PSMA1: variants seen among roughly 807,000 people sequenced by gnomAD.
PSMA1 encodes the protein proteasome 20S subunit alpha 1, also known as proteasome subunit alpha type-1.
PSMA1 carries 3 observed loss-of-function variants against 38.4 expected under a neutral mutation model. The observed-to-expected ratio is 0.08, with a 90% CI of 0.04 to 0.20. The LOEUF is 0.20. Ranked by LOEUF, PSMA1 falls within the 10% of genes least tolerant of loss-of-function variation. The pLI is 1.00. For missense variants in PSMA1, 227 were observed against 325.3 expected (o/e 0.70, Z 2.32); for synonymous variants, 101 against 107.1 (o/e 0.94, Z 0.35).
rs1353880319 is a variant in PSMA1 at position 14,611,078 on chromosome 11, A to G, written c.-92T>C. ...TGTCTTTTCCCAGCCTTGGAGGGCCAAGGCCTTTACCACTCTGCTACTGGC... is the reference window on the plus strand; with the variant it reads ...TGTCTTTTCCCAGCCTTGGAGGGCCGAGGCCTTTACCACTCTGCTACTGGC... On this transcript the variant is annotated 5_prime_UTR_variant, in exon 2 of 11. Coordinates refer to the PSMA1 transcript ENST00000418988. 12 of 1,353,900 alleles carry G rather than the reference A, an allele frequency of 8.9e-6. No individual in the cohort carries two copies. In the East Asian group the frequency reaches 1.6e-4, roughly 18 times the overall value. The allele number at this position is 1,353,900 out of a possible 1,614,324, so 83.9% of individuals were successfully genotyped here. A position where few individuals can be genotyped will look rare whatever the true frequency, so the allele number is the denominator to read the frequency against.
intron 8 of PSMA1, among the ~76,000 whole-genome samples, chr11:14,508,645 T>C (rs533649019): frequency 6.7e-6 from 1 of 149,662 alleles, no homozygotes; most frequent in South Asian, 2.1e-4. Context: ...ATTCAGGTAA[T>C]TCATGTGAGA....
rs1180393233 is a variant in PSMA1 at position 14,628,501 on chromosome 11, C to CT, written c.-166+14953dup. 2.0e-5 allele frequency among the ~76,000 whole-genome samples: 3 copies of CT among 150,238 alleles called. 1 individual carries two copies. The highest frequency in any genetic ancestry group is 7.4e-5 in the African/African-American group (3 of 40,610). ...TCCCTACAAAGGACATGAACTCATC[C>CT]TTTTTTATGGCTGCATAGTATTCCA... is the stretch of plus-strand genomic sequence containing the variant. On this transcript the variant is annotated intron_variant, in intron 1 of 10. Coordinates refer to the PSMA1 transcript ENST00000418988.
chr11:14,509,337 T>G (rs1214585099), intron 8 of PSMA1, among the ~76,000 whole-genome samples: 1 of 152,196 alleles, frequency 6.6e-6, no homozygotes, highest in Non-Finnish European at 1.5e-5. Context: ...CAAACTTTTT[T>G]GGCTGTAATT....
chr11:14,564,561 G>T (rs2134174788), intron 2 of PSMA1, among the ~76,000 whole-genome samples: 1 of 152,176 alleles, frequency 6.6e-6, no homozygotes, highest in South Asian at 2.1e-4. Flanking sequence ...AAATGCCCAG[G>T]GGTGCAATTG....
intron 1 of PSMA1, among the ~76,000 whole-genome samples, chr11:14,634,359 G>A (rs922511323): frequency 2.0e-5 from 3 of 152,058 alleles, no homozygotes; most frequent in African/African-American, 2.4e-5. Context: ...ACACATACAC[G>A]CAACACACAA....
Position 14,538,888 on chromosome 11 carries a change from A to G in PSMA1, c.22-19847T>C, listed in dbSNP as rs149275751. Among the ~76,000 whole-genome samples the G allele has an allele frequency of 7.2e-3, 1,097 of 152,390 alleles. 9 individuals carry two copies. The highest frequency in any genetic ancestry group is 0.02 in the Middle Eastern group (6 of 294). On this transcript the variant is annotated intron_variant, in intron 2 of 10. Transcript: ENST00000418988. Reference sequence around the variant, plus strand: ...TGCGTAATTTCAAAAAGTACTTTTTAAAATAACTCATTGACAAGACTTACA... The same window carrying G: ...TGCGTAATTTCAAAAAGTACTTTTTGAAATAACTCATTGACAAGACTTACA...
At chr11:14,535,179 CA>C (rs1189936686) in intron 2 of PSMA1, among the ~76,000 whole-genome samples, 5 of 148,312 alleles carry the variant, frequency 3.4e-5, no homozygotes, top group Admixed American at 1.3e-4. Flanking sequence ...TTTCTGGCAA[CA>C]GCTAACACTT....
chr11:14,523,547 C>G (rs1036510802), upstream of PSMA1, among the ~76,000 whole-genome samples: 1 of 150,382 alleles, frequency 6.6e-6, no homozygotes, highest in Non-Finnish European at 1.5e-5. Flanking sequence ...GCTGAAATTA[C>G]AGGAGTGAGC....
At chr11:14,509,713 GTTT>G (rs34597306) in intron 8 of PSMA1, among the ~76,000 whole-genome samples, 27 of 109,944 alleles carry the variant, frequency 2.5e-4, no homozygotes, top group Non-Finnish European at 3.7e-4. Context: ...CAAACCGGTT[GTTT>G]TTTTTTTTTT....
intron 2 of PSMA1, among the ~76,000 whole-genome samples, chr11:14,603,933 G>A (rs1042716009): frequency 3.9e-5 from 6 of 152,122 alleles, no homozygotes; most frequent in African/African-American, 7.2e-5. Flanking sequence ...TCCTTTACAA[G>A]AGAAAAAAGA....
intron 4 of PSMA1, among the ~76,000 whole-genome samples, chr11:14,516,938 A>G (rs1360332076): frequency 6.6e-6 from 1 of 152,188 alleles, no homozygotes; most frequent in East Asian, 1.9e-4. Flanking sequence ...AAATAAATAA[A>G]TAACATTTAA....
chr11:14,622,242 A>C (rs1374002137), intron 1 of PSMA1, among the ~76,000 whole-genome samples: 1 of 152,228 alleles, frequency 6.6e-6, no homozygotes, highest in African/African-American at 2.4e-5. Flanking sequence ...GATATGATAA[A>C]TACATTCTTT....
At chr11:14,640,125 G>A (rs1853180002) in intron 1 of PSMA1, among the ~76,000 whole-genome samples, 1 of 152,090 alleles carries the variant, frequency 6.6e-6, no homozygotes. Flanking sequence ...GGTAGAGGGG[G>A]GATGGTACGT....
chr11:14,507,173 TG>T (rs1275584560), intron 9 of PSMA1, among the ~76,000 whole-genome samples: 1 of 151,776 alleles, frequency 6.6e-6, no homozygotes, highest in Non-Finnish European at 1.5e-5. Flanking sequence ...TTTTTGTGTT[TG>T]TTTTTTTTTT....
chr11:14,602,423 G>A, intron 2 of PSMA1, among the ~76,000 whole-genome samples: 1 of 151,878 alleles, frequency 6.6e-6, no homozygotes, highest in East Asian at 1.9e-4. Context: ...TGGGTGGAGA[G>A]CTCTGGGCCA....
chr11:14,573,521 TAAG>T (rs927629124), intron 2 of PSMA1, among the ~76,000 whole-genome samples: 3 of 152,138 alleles, frequency 2.0e-5, no homozygotes, highest in African/African-American at 4.8e-5. Context: ...CTCAAAATAA[TAAG>T]AGCTATTTAT....
intron 2 of PSMA1, among the ~76,000 whole-genome samples, chr11:14,539,568 G>A (rs1851748092): frequency 6.6e-6 from 1 of 152,192 alleles, no homozygotes; most frequent in Non-Finnish European, 1.5e-5. Context: ...CCCACGGGCC[G>A]GGTGCGGTGG....
chr11:14,508,569 A>AAAAAAAAAAAAAAAAAAAAC (rs1201074271), intron 8 of PSMA1, among the ~76,000 whole-genome samples: 1 of 149,412 alleles, frequency 6.7e-6, no homozygotes, highest in South Asian at 2.1e-4. Flanking sequence ...CTCAAAAAAA[A>AAAAAAAAAAAAAAAAAAAAC]AAAAAAAACC....
chr11:14,588,571 T>C (rs1486735277), intron 2 of PSMA1, among the ~76,000 whole-genome samples: 2 of 152,140 alleles, frequency 1.3e-5, no homozygotes, highest in African/African-American at 4.8e-5. Flanking sequence ...TGTGACATAA[T>C]CCACAACACA....
Sources: gnomAD v4.1 joint callset for allele counts (sites outside exome capture counted in the v4.1 genomes callset) on GRCh38, gnomAD v4.1.1 for gene constraint, MANE v1.5 for transcripts, NCBI Gene and HGNC (gene_info 2026-07-23, HGNC 2026-07-21) for gene names.